TDRD3: variants seen among roughly 807,000 people sequenced by gnomAD.
The protein encoded by TDRD3 is tudor domain containing 3, also known as tudor domain-containing protein 3.
A neutral mutation model predicts 86.7 loss-of-function variants in TDRD3; 45 were observed. The ratio of observed to expected loss-of-function variants is 0.52; its 90% CI spans 0.41 to 0.67. TDRD3 has a LOEUF of 0.67. Among genes scored for constraint, TDRD3 ranks in the 30% least tolerant of loss-of-function variants. TDRD3 has a pLI of 0.00. For missense variants in TDRD3, 814 were observed against 889.0 expected (o/e 0.92, Z 1.07); for synonymous variants, 298 against 301.7 (o/e 0.99, Z 0.13).
chr13:60,416,881 C>T (rs1002920813), intron 1 of TDRD3, among the ~76,000 whole-genome samples: 6 of 152,278 alleles, frequency 3.9e-5, no homozygotes, highest in African/African-American at 1.4e-4. Context: ...ATTCCTTTCT[C>T]ATCATTCGTT....
At chr13:60,452,851 CTT>C (rs1955580430) in intron 3 of TDRD3, among the ~76,000 whole-genome samples, 2 of 150,410 alleles carry the variant, frequency 1.3e-5, no homozygotes, top group Non-Finnish European at 3.0e-5. Flanking sequence ...GTATATGTCT[CTT>C]ATTACTGTTA....
intron 12 of TDRD3, chr13:60,537,681 A>C (rs1029112771): frequency 2.0e-5 from 3 of 152,070 alleles, no homozygotes; most frequent in African/African-American, 7.2e-5. Context: ...AGCTGCAGGG[A>C]AATGGTTAGA....
chr13:60,490,947 G>A (rs9570309), intron 7 of TDRD3, among the ~76,000 whole-genome samples: 1 of 142,638 alleles, frequency 7.0e-6, no homozygotes, highest in Non-Finnish European at 1.5e-5. Context: ...GAGAAACCCC[G>A]TCTCTACTAA....
intron 1 of TDRD3, among the ~76,000 whole-genome samples, chr13:60,437,897 G>C (rs933598757): frequency 3.3e-5 from 5 of 151,934 alleles, no homozygotes; most frequent in Non-Finnish European, 7.4e-5. Context: ...AAAGCTCTAG[G>C]ATATTATTCC....
intron 10 of TDRD3, among the ~76,000 whole-genome samples, chr13:60,525,106 A>C (rs1285034566): frequency 2.0e-5 from 3 of 149,298 alleles, no homozygotes; most frequent in Non-Finnish European, 4.5e-5. Flanking sequence ...AAAAAAAAAA[A>C]AAACCCCACA....
At chr13:60,401,697 A>C (rs1376931048) in intron 1 of TDRD3, among the ~76,000 whole-genome samples, 1 of 152,146 alleles carries the variant, frequency 6.6e-6, no homozygotes, top group Non-Finnish European at 1.5e-5. Context: ...GTTTGTTTTG[A>C]GGGCAGAGAT....
At chr13:60,452,058 C>T (rs1566201519) in intron 3 of TDRD3, among the ~76,000 whole-genome samples, 2 of 152,140 alleles carry the variant, frequency 1.3e-5, no homozygotes, top group Admixed American at 1.3e-4. Context: ...TAAATATTCC[C>T]TGTTTGGCTG....
intron 8 of TDRD3, among the ~76,000 whole-genome samples, chr13:60,503,026 A>C (rs1291102759): frequency 6.6e-6 from 1 of 152,232 alleles, no homozygotes; most frequent in African/African-American, 2.4e-5. Flanking sequence ...AGAATACCTT[A>C]TTCAATTATT....
rs1015866990 is a variant in TDRD3 at position 60,544,520 on chromosome 13, T to A, written c.2118+9287T>A. Among the ~76,000 whole-genome samples, 62 of 151,622 alleles carry A rather than the reference T, an allele frequency of 4.1e-4. 1 individual carries two copies. The highest frequency in any genetic ancestry group is 6.9e-3 in the Middle Eastern group (2 of 290). On this transcript the variant is annotated intron_variant, in intron 12 of 13. Transcript: ENST00000377881. Reference sequence around the variant, plus strand: ...ACTAGTAAATTCCATTGGGTATGTGTACATTTTTAAATGGAGAAGAGGCCT... The same window carrying A: ...ACTAGTAAATTCCATTGGGTATGTGAACATTTTTAAATGGAGAAGAGGCCT...
intron 10 of TDRD3, among the ~76,000 whole-genome samples, chr13:60,524,074 AC>A (rs979660344): frequency 6.6e-6 from 1 of 151,984 alleles, no homozygotes; most frequent in Non-Finnish European, 1.5e-5. Flanking sequence ...GGCAGACCTG[AC>A]CTGTGCTGTC....
intron 1 of TDRD3, among the ~76,000 whole-genome samples, chr13:60,407,336 C>G (rs1183531404): frequency 6.6e-6 from 1 of 152,198 alleles, no homozygotes; most frequent in East Asian, 1.9e-4. Context: ...TGGTATCATT[C>G]ATCATTTTGC....
At chr13:60,398,452 A>C (rs1389686986) in intron 1 of TDRD3, among the ~76,000 whole-genome samples, 1 of 152,238 alleles carries the variant, frequency 6.6e-6, no homozygotes, top group Non-Finnish European at 1.5e-5. Flanking sequence ...TGGAGATGAC[A>C]CAGGGAAGCG....
At chr13:60,453,217 G>T (rs1020257230) in intron 3 of TDRD3, among the ~76,000 whole-genome samples, 4 of 152,082 alleles carry the variant, frequency 2.6e-5, no homozygotes, top group Non-Finnish European at 5.9e-5. Flanking sequence ...ACTAAAATGG[G>T]AAGAACTTAC....
rs997355515 is a variant in TDRD3, at chr13:60,457,169, CAT to C, written c.193-3209_193-3208del. Among the ~76,000 whole-genome samples the C allele has an allele frequency of 1.8e-4, 28 of 152,236 alleles. 2 individuals are homozygous for C. Among genetic ancestry groups the C allele is most frequent in the African/African-American group, 6.5e-4 (27 of 41,534 alleles). ...AAATCGTTATATTTACTGGTTTACT[CAT>C]AGAATATTTCTGAATTGTGGAACTA... On this transcript the variant is annotated intron_variant, in intron 3 of 13. Coordinates refer to ENST00000377881, the MANE Select transcript of TDRD3 (RefSeq NM_001146070.2).
At chr13:60,487,557 G>A (rs149038467) in intron 7 of TDRD3, among the ~76,000 whole-genome samples, 1 of 152,172 alleles carries the variant, frequency 6.6e-6, no homozygotes, top group African/African-American at 2.4e-5. Flanking sequence ...TTATGTAAGC[G>A]ACTTGAGCAT....
chr13:60,516,032 A>G (rs1490415978), intron 10 of TDRD3, among the ~76,000 whole-genome samples: 4 of 152,206 alleles, frequency 2.6e-5, no homozygotes, highest in Non-Finnish European at 5.9e-5. Flanking sequence ...TAGCAGCATC[A>G]TTTATTTGGG....
At chr13:60,453,486 C>G (rs9528142) in intron 3 of TDRD3, among the ~76,000 whole-genome samples, 2 of 152,162 alleles carry the variant, frequency 1.3e-5, no homozygotes, top group Non-Finnish European at 2.9e-5. Flanking sequence ...GCAACACTTT[C>G]CTTTAATCAG....
intron 12 of TDRD3, among the ~76,000 whole-genome samples, chr13:60,543,810 A>G (rs754380854): frequency 2.0e-5 from 3 of 152,080 alleles, no homozygotes; most frequent in Non-Finnish European, 2.9e-5. Flanking sequence ...TAGTAATACT[A>G]TTTTATTGCA....
intron 3 of TDRD3, among the ~76,000 whole-genome samples, chr13:60,447,608 A>C (rs1434466323): frequency 6.6e-6 from 1 of 152,146 alleles, no homozygotes; most frequent in Non-Finnish European, 1.5e-5. Flanking sequence ...TAAATAAGGT[A>C]AGGCAAATTG....
Sources: gnomAD v4.1 joint callset for allele counts (sites outside exome capture counted in the v4.1 genomes callset) on GRCh38, gnomAD v4.1.1 for gene constraint, MANE v1.5 for transcripts, NCBI Gene and HGNC (gene_info 2026-07-23, HGNC 2026-07-21) for gene names.